The following SPDYE5 variants were observed in gnomAD, a reference collection of about 807,000 sequenced individuals.
SPDYE5 encodes the protein speedy protein E5.
SPDYE5 carries 15 observed loss-of-function variants against 48.5 expected under a neutral mutation model. That is an observed-to-expected ratio of 0.31 (90% CI 0.21 to 0.48). SPDYE5 has a LOEUF of 0.48. Ranked by LOEUF, SPDYE5 falls within the 20% of genes least tolerant of loss-of-function variation. SPDYE5 has a pLI of 0.99. For synonymous variants in SPDYE5, 116 were observed against 200.7 expected (o/e 0.58, Z 3.57); for missense variants, 331 against 549.1 (o/e 0.60, Z 3.97).
At chr7:75,493,586 T>C in intron 1 of SPDYE5, 41 bp from the exon 2 acceptor site, 1 of 1,027,920 alleles carries the variant, frequency 9.7e-7, no homozygotes, top group Non-Finnish European at 1.2e-6. Flanking sequence ...CGTTTCTGCT[T>C]ACCCTAGTTT....
intron 2 of SPDYE5, among the ~76,000 whole-genome samples, chr7:75,494,657 C>A (rs1792861317): frequency 1.3e-5 from 2 of 152,072 alleles, no homozygotes; most frequent in African/African-American, 4.8e-5. Flanking sequence ...GAGGCCAAGG[C>A]AGGCGGATCA....
intron 2 of SPDYE5, 83 bp from the exon 3 acceptor site, chr7:75,495,073 G>A (rs1584736227): frequency 6.4e-7 from 1 of 1,557,744 alleles, no homozygotes; most frequent in East Asian, 2.3e-5. Context: ...TGGGGAGGAT[G>A]GAGAGTGGTT....
rs74709744 is a variant in SPDYE5, at chr7:75,495,987, G to A, written c.379+613G>A. On this transcript the variant is annotated intron_variant, in intron 3 of 8. Coordinates refer to ENST00000625065, the MANE Select transcript of SPDYE5 (RefSeq NM_001306141.4). ...AGAGGTTGCTTTGAGCCAAGATAGC[G>A]CCACTGCATTTTTTTGAGACGCTGT... Among the ~76,000 whole-genome samples the A allele has an allele frequency of 5.4e-3, 793 of 147,502 alleles. 18 individuals are homozygous for A. Among genetic ancestry groups the A allele is most frequent in the East Asian group, 0.044 (223 of 5,014 alleles).
At position 75,504,256 on chromosome 7, in the gene SPDYE5, A is replaced by G. The variant is rs1793249123; in HGVS notation, c.*1469A>G. ...CTGTGTGTTTTCAAGAGAACAATAG[A>G]GTGCGTCTCTTGGGGAAACATAATA... On this transcript the variant is annotated 3_prime_UTR_variant, in exon 9 of 9. Coordinates refer to ENST00000625065, the MANE Select transcript of SPDYE5 (RefSeq NM_001306141.4). 6.6e-6 allele frequency: 1 copy of G among 151,878 alleles called. No homozygotes were observed. Among genetic ancestry groups the G allele is most frequent in the Non-Finnish European group, 1.5e-5 (1 of 67,994 alleles). The allele number at this position is 151,878 out of a possible 1,614,324, so 9.4% of individuals were successfully genotyped here.
At position 75,493,728 on chromosome 7, in the gene SPDYE5, G is replaced by A; in HGVS notation, c.-320G>A. 7.1e-7 allele frequency: 1 copy of A among 1,415,914 alleles called. No homozygotes were observed. Among genetic ancestry groups the A allele is most frequent in the Non-Finnish European group, 9.2e-7 (1 of 1,090,020 alleles). The allele number at this position is 1,415,914 out of a possible 1,614,324, so 87.7% of individuals were successfully genotyped here. A position where few individuals can be genotyped will look rare whatever the true frequency, so the allele number is the denominator to read the frequency against. On this transcript the variant is annotated 5_prime_UTR_variant, in exon 2 of 9. Transcript: ENST00000625065. The stretch of plus-strand genomic sequence containing the variant: ...CCTCTGCTGGGACAGGGAACAGAGG[G>A]ATGTGGAGTCCCTGAAGATGCTTTT...
chr7:75,498,443 C>G (rs1554482950), intron 5 of SPDYE5, among the ~76,000 whole-genome samples: 1 of 151,656 alleles, frequency 6.6e-6, no homozygotes, highest in African/African-American at 2.4e-5. Flanking sequence ...GGTCTTGAGT[C>G]TTGGCACCCA....
intron 3 of SPDYE5, among the ~76,000 whole-genome samples, 197 bp from the exon 4 acceptor site, chr7:75,496,477 C>T (rs1162702351): frequency 7.4e-6 from 1 of 134,644 alleles, no homozygotes; most frequent in African/African-American, 3.0e-5. Flanking sequence ...GTTCTGAGGA[C>T]AGAGAAACGG....
At chr7:75,491,889 T>G (rs1792749223), upstream of SPDYE5, among the ~76,000 whole-genome samples, 1 of 151,794 alleles carries the variant, frequency 6.6e-6, no homozygotes, top group South Asian at 2.1e-4. Context: ...ATTTTTTCTG[T>G]ATTTTTAGTA....
intron 1 of SPDYE5, among the ~76,000 whole-genome samples, chr7:75,492,945 GCCA>G (rs782467271): frequency 6.6e-6 from 1 of 152,058 alleles, no homozygotes; most frequent in Non-Finnish European, 1.5e-5. Flanking sequence ...ACAGGTGCCA[GCCA>G]CCACACCTGG....
intron 6 of SPDYE5, 28 bp from the exon 7 acceptor site, chr7:75,501,334 T>G: frequency 6.2e-7 from 1 of 1,611,968 alleles, no homozygotes; most frequent in South Asian, 1.1e-5. Context: ...GTGGTGCCCC[T>G]GAGCAGCAAC....
At chr7:75,501,803 G>C in intron 7 of SPDYE5, 48 bp downstream of exon 7, 1 of 1,612,286 alleles carries the variant, frequency 6.2e-7, no homozygotes, top group Non-Finnish European at 8.5e-7. Flanking sequence ...AATCGGGTGG[G>C]CTGGAGGCTG....
In SPDYE5 at chr7:75,494,814, G is replaced by C. The variant is rs1254196664; in HGVS notation, c.161-342G>C. 3.3e-6 allele frequency: 3 copies of C among 910,872 alleles called. No individual in the cohort carries two copies. The African/African-American group carries it at 5.3e-5, about 16-fold the overall frequency. 56.4% of individuals were successfully genotyped at this position (910,872 alleles called of 1,614,324 possible). On this transcript the variant is annotated intron_variant, in intron 2 of 8. Transcript: ENST00000625065. The stretch of plus-strand genomic sequence containing the variant: ...AGGCAGAAGAATAAATGGAATCCAG[G>C]AGATGGATGTTGCAGTGAGCTGAGA...
chr7:75,497,377 G>C (rs1326840872), intron 4 of SPDYE5, among the ~76,000 whole-genome samples: 1 of 151,046 alleles, frequency 6.6e-6, no homozygotes, highest in South Asian at 2.1e-4. Context: ...AGGTTGCAGC[G>C]AGCCAAGATC....
rs201492721 is a variant in SPDYE5, at chr7:75,494,035, T to C, written c.-13T>C. The C allele has an allele frequency of 0.93, 1,227,487 of 1,320,396 alleles. 587,444 individuals carry two copies. The highest frequency in any genetic ancestry group is 0.97 in the East Asian group (38,485 of 39,596). The allele number at this position is 1,320,396 out of a possible 1,614,324, so 81.8% of individuals were successfully genotyped here. Reference sequence around the variant, plus strand: ...ATACTCTTCTGGATCCTAGCAGTGATCAGAAGAAGGCCATGGACAGAACGG... The same window carrying C: ...ATACTCTTCTGGATCCTAGCAGTGACCAGAAGAAGGCCATGGACAGAACGG... On this transcript the variant is annotated 5_prime_UTR_variant, in exon 2 of 9. Transcript: ENST00000625065.
intron 8 of SPDYE5, among the ~76,000 whole-genome samples, chr7:75,502,463 A>C (rs1282378386): frequency 6.6e-6 from 1 of 152,200 alleles, no homozygotes; most frequent in Non-Finnish European, 1.5e-5. Flanking sequence ...ATGTTGTCAC[A>C]TTAGAAACAC....
intron 1 of SPDYE5, among the ~76,000 whole-genome samples, 99 bp downstream of exon 1, chr7:75,492,540 G>C (rs587694566): frequency 6.6e-6 from 1 of 152,150 alleles, no homozygotes; most frequent in South Asian, 2.1e-4. Flanking sequence ...ATGAGTTCAA[G>C]TGATTCTCCA....
At chr7:75,502,541 C>T (rs1213875070) in intron 8 of SPDYE5, among the ~76,000 whole-genome samples, 1 of 152,068 alleles carries the variant, frequency 6.6e-6, no homozygotes, top group Non-Finnish European at 1.5e-5. Context: ...AAGTCCAAAG[C>T]CACATTCTCT....
At position 75,494,182 on chromosome 7, in the gene SPDYE5, G is replaced by GGAT. The variant is rs1391594192; in HGVS notation, c.141_143dup (p.Asp47dup). The GGAT allele has an allele frequency of 6.5e-7, 1 of 1,534,792 alleles. No homozygotes were observed. Among genetic ancestry groups the GGAT allele is most frequent in the African/African-American group, 1.4e-5 (1 of 72,904 alleles). On this transcript the variant is annotated inframe_insertion, in exon 2 of 9. Transcript: ENST00000625065. The stretch of plus-strand genomic sequence containing the variant: ...CGGGGTACCCCCTCCAGGAGGTGGT[G>GGAT]GATGATGAAGTGTTGGGACCATCAG...
At chr7:75,495,708 C>T (rs1330577395) in intron 3 of SPDYE5, among the ~76,000 whole-genome samples, 2 of 152,128 alleles carry the variant, frequency 1.3e-5, no homozygotes, top group South Asian at 2.1e-4. Context: ...TGCACCACTG[C>T]ACTCCAGCCT....
Sources: allele counts gnomAD v4.1 joint callset (sites outside exome capture counted in the v4.1 genomes callset), GRCh38; gene constraint gnomAD v4.1.1; transcripts MANE v1.5; gene names NCBI Gene and HGNC (gene_info 2026-07-23, HGNC 2026-07-21).